The following BEGAIN variants were observed in gnomAD, a reference collection of about 807,000 sequenced individuals.
BEGAIN encodes brain-enriched guanylate kinase-associated protein.
BEGAIN carries 19 observed loss-of-function variants against 35.8 expected under a neutral mutation model. The ratio of observed to expected loss-of-function variants is 0.53; its 90% CI spans 0.37 to 0.78. BEGAIN has a LOEUF of 0.78. Among genes scored for constraint, BEGAIN ranks in the 30% least tolerant of loss-of-function variants. The pLI is 0.00. For missense variants in BEGAIN, 795 were observed against 853.6 expected (o/e 0.93, Z 0.85); for synonymous variants, 462 against 388.6 (o/e 1.19, Z -2.22).
At chr14:100,584,579 A>ATCAT (rs968465411) in intron 1 of BEGAIN, among the ~76,000 whole-genome samples, 17 of 152,184 alleles carry the variant, frequency 1.1e-4, no homozygotes, top group African/African-American at 2.4e-4. Context: ...TTAGTCATTC[A>ATCAT]TCATTCATTC....
intron 2 of BEGAIN, among the ~76,000 whole-genome samples, chr14:100,565,194 G>A (rs970708723): frequency 1.3e-5 from 2 of 152,312 alleles, no homozygotes; most frequent in Middle Eastern, 3.4e-3. Flanking sequence ...TGGGAGGGAG[G>A]GGCAAGAGCG....
chr14:100,576,838 C>A (rs765132487), intron 1 of BEGAIN, among the ~76,000 whole-genome samples: 2 of 152,210 alleles, frequency 1.3e-5, no homozygotes, highest in African/African-American at 4.8e-5. Flanking sequence ...CATGTGTGGA[C>A]GGGGTACGAG....
At chr14:100,559,615 G>C (rs1463387496) in intron 2 of BEGAIN, among the ~76,000 whole-genome samples, 1 of 152,260 alleles carries the variant, frequency 6.6e-6, no homozygotes, top group East Asian at 1.9e-4. Context: ...ACTGCAAACA[G>C]ATGTGGGCAA....
chr14:100,555,162 G>A (rs2033588369), intron 2 of BEGAIN, among the ~76,000 whole-genome samples: 1 of 152,264 alleles, frequency 6.6e-6, no homozygotes, highest in Non-Finnish European at 1.5e-5. Context: ...CCAGGGCCGA[G>A]TCCTCGCAGA....
At chr14:100,559,199 C>T (rs917044267) in intron 2 of BEGAIN, among the ~76,000 whole-genome samples, 18 of 152,020 alleles carry the variant, frequency 1.2e-4, no homozygotes, top group South Asian at 2.1e-4. Flanking sequence ...AGGGGAGCTG[C>T]GCGGTGGGCC....
In BEGAIN at chr14:100,572,375, C is replaced by G. The variant is rs1018356557; in HGVS notation, c.43-4436G>C. On this transcript the variant is annotated intron_variant, in intron 1 of 6. Coordinates refer to ENST00000554140, the MANE Select transcript of BEGAIN (RefSeq NM_001385089.1). Reference sequence around the variant, plus strand: ...AGAGTGAGCCCACCTCTGCAGGGGGCCTGCCAGGTGAGGAGTGCCATGCCA... The same window carrying G: ...AGAGTGAGCCCACCTCTGCAGGGGGGCTGCCAGGTGAGGAGTGCCATGCCA... 6.6e-5 allele frequency among the ~76,000 whole-genome samples: 10 copies of G among 152,178 alleles called. 1 individual carries two copies. Among genetic ancestry groups the G allele is most frequent in the Admixed American group, 1.3e-4 (2 of 15,282 alleles).
At position 100,568,004 on chromosome 14, in the gene BEGAIN, G is replaced by A. The variant is rs1178071915; in HGVS notation, c.43-65C>T. On this transcript the variant is annotated intron_variant, in intron 1 of 6. Coordinates refer to ENST00000554140, the MANE Select transcript of BEGAIN (RefSeq NM_001385089.1). The surrounding 1 kb of genome is among the most constrained non-coding windows in gnomAD (Gnocchi z 7.5). The stretch of plus-strand genomic sequence containing the variant: ...GTGCGCTCCGCGGCCGCGCCGGGCA[G>A]AGCCGGGCACAGCGGGCACGGCCGG... 2.4e-5 allele frequency: 32 copies of A among 1,357,714 alleles called. No individual in the cohort carries two copies. Among genetic ancestry groups the A allele is most frequent in the Admixed American group, 8.3e-5 (3 of 36,278 alleles). 84.1% of individuals were successfully genotyped at this position (1,357,714 alleles called of 1,614,324 possible).
At position 100,546,772 on chromosome 14, in the gene BEGAIN, GCGCGCGCGCACACACACACACA is replaced by G. The variant is rs2032538706; in HGVS notation, c.72-132_72-111del. Reference sequence around the variant, plus strand: ...CTAACACGCGAGTACCGGCGCGCGCGCGCGCGCGCACACACACACACACACACACACACACACACACTCACAC... The same window carrying G: ...CTAACACGCGAGTACCGGCGCGCGCGCACACACACACACACACACTCACAC... On this transcript the variant is annotated intron_variant, in intron 2 of 6. Coordinates refer to ENST00000554140, the MANE Select transcript of BEGAIN (RefSeq NM_001385089.1). 6.3e-6 allele frequency: 5 copies of G among 791,804 alleles called. No individual in the cohort carries two copies. The East Asian group carries it at 1.9e-4, about 30-fold the overall frequency. The allele number at this position is 791,804 out of a possible 1,614,324, so 49.0% of individuals were successfully genotyped here. A position where few individuals can be genotyped will look rare whatever the true frequency, so the allele number is the denominator to read the frequency against.
rs1479945143 is a variant in BEGAIN at position 100,539,262 on chromosome 14, G to A, written c.546C>T (p.Cys182=). The change falls in exon 7 of 7, where the codon TGC becomes TGT. Residue 182 remains cysteine, a synonymous_variant. Coordinates refer to ENST00000554140, the MANE Select transcript of BEGAIN (RefSeq NM_001385089.1). ...GGTGGCAGAGCGGGGATGGCAGGCT[G>A]CAGCCGTGCTTCTCCATGTGCAGGC... ...RVSLHMEKHG[C]SLPSPLCHPA... 1 of 1,586,318 alleles carries A rather than the reference G, an allele frequency of 6.3e-7. No homozygotes were observed. The highest frequency in any genetic ancestry group is 8.6e-7 in the Non-Finnish European group (1 of 1,166,786).
In BEGAIN at chr14:100,580,408, T is replaced by C. The variant is rs372841347; in HGVS notation, c.42+6841A>G. Reference sequence around the variant, plus strand: ...TGCAAGGCCCTGACAATTGCTGGTGTCTTCTCTCTCTCTCTGCTACCCTCC... The same window carrying C: ...TGCAAGGCCCTGACAATTGCTGGTGCCTTCTCTCTCTCTCTGCTACCCTCC... On this transcript the variant is annotated intron_variant, in intron 1 of 6. Coordinates refer to ENST00000554140, the MANE Select transcript of BEGAIN (RefSeq NM_001385089.1). Among the ~76,000 whole-genome samples, 8 of 152,124 alleles carry C rather than the reference T, an allele frequency of 5.3e-5. No homozygotes were observed. In the East Asian group the frequency reaches 1.5e-3, roughly 29 times the overall value.
chr14:100,577,910 T>C (rs2035236987), intron 1 of BEGAIN: 1 of 399,062 alleles, frequency 2.5e-6, no homozygotes, highest in Non-Finnish European at 4.4e-6. Context: ...CTGGGACAGG[T>C]AGGGTTAGAG....
At position 100,568,249 on chromosome 14, in the gene BEGAIN, C is replaced by T; in HGVS notation, c.43-310G>A. 1.6e-6 allele frequency: 1 copy of T among 629,980 alleles called. No individual in the cohort carries two copies. 39.0% of individuals were successfully genotyped at this position (629,980 alleles called of 1,614,324 possible). On this transcript the variant is annotated intron_variant, in intron 1 of 6. Coordinates refer to ENST00000554140, the MANE Select transcript of BEGAIN (RefSeq NM_001385089.1). The surrounding 1 kb of genome is among the most constrained non-coding windows in gnomAD (Gnocchi z 7.5). ...GGCCAGGGGCGATCTCGGCCTCGCC[C>T]GGAGGAGGGGGACTCGGCCTGTCCC...
chr14:100,574,826 C>T (rs1325394164), intron 1 of BEGAIN, among the ~76,000 whole-genome samples: 1 of 152,182 alleles, frequency 6.6e-6, no homozygotes, highest in African/African-American at 2.4e-5. Context: ...CAGACAGGAT[C>T]CAACTGCAGC....
chr14:100,537,919 G>T lies in BEGAIN; in HGVS notation c.*50C>A, dbSNP rs2030805503. 6.4e-7 allele frequency: 1 copy of T among 1,552,896 alleles called. No homozygotes were observed. The highest frequency in any genetic ancestry group is 8.7e-7 in the Non-Finnish European group (1 of 1,150,844). On this transcript the variant is annotated 3_prime_UTR_variant, in exon 7 of 7. Transcript: ENST00000554140. ...GAGAGGTGAGGCCGGCCCTTCTGGG[G>T]CACGTGGGCTGGCGGGGAGCGAACC... is the stretch of plus-strand genomic sequence containing the variant.
intron 1 of BEGAIN, among the ~76,000 whole-genome samples, chr14:100,583,178 C>T (rs1269364108): frequency 1.3e-5 from 2 of 151,982 alleles, no homozygotes; most frequent in Admixed American, 6.6e-5. Context: ...GTCCATTCCT[C>T]TGTTACTTGT....
At chr14:100,551,992 T>C (rs1419849664) in intron 2 of BEGAIN, among the ~76,000 whole-genome samples, 4 of 152,138 alleles carry the variant, frequency 2.6e-5, no homozygotes, top group Admixed American at 6.5e-5. Context: ...CAGGATGGGA[T>C]GAGTGCGTTC....
Position 100,586,794 on chromosome 14 carries a change from G to A in BEGAIN, c.42+455C>T, listed in dbSNP as rs1295260377. On this transcript the variant is annotated intron_variant, in intron 1 of 6. Coordinates refer to ENST00000554140, the MANE Select transcript of BEGAIN (RefSeq NM_001385089.1). The surrounding 1 kb of genome is among the most constrained non-coding windows in gnomAD (Gnocchi z 4.9). ...CGGCCCCGGGTCCAGCCTCCTTCCGGCTCCCGGGCCTTTCTCCGGCCTCCC... is the reference window on the plus strand; with the variant it reads ...CGGCCCCGGGTCCAGCCTCCTTCCGACTCCCGGGCCTTTCTCCGGCCTCCC... Among the ~76,000 whole-genome samples the A allele has an allele frequency of 6.6e-6, 1 of 152,196 alleles. No homozygotes were observed. Among genetic ancestry groups the A allele is most frequent in the Non-Finnish European group, 1.5e-5 (1 of 68,028 alleles).
At chr14:100,555,719 G>A (rs952428548) in intron 2 of BEGAIN, among the ~76,000 whole-genome samples, 29 of 152,180 alleles carry the variant, frequency 1.9e-4, no homozygotes, top group African/African-American at 6.0e-4. Context: ...CCCGCACAGC[G>A]AGACAACTAT....
At position 100,568,831 on chromosome 14, in the gene BEGAIN, CGTCTTTCTGTG is replaced by C; in HGVS notation, c.43-903_43-893del. The C allele has an allele frequency of 1.0e-6, 1 of 982,300 alleles. No homozygotes were observed. The highest frequency in any genetic ancestry group is 1.7e-5 in the African/African-American group (1 of 57,210). 60.8% of individuals were successfully genotyped at this position (982,300 alleles called of 1,614,324 possible). On this transcript the variant is annotated intron_variant, in intron 1 of 6. Coordinates refer to ENST00000554140, the MANE Select transcript of BEGAIN (RefSeq NM_001385089.1). This position sits in a 1 kb window ranked among gnomAD's most constrained non-coding sequence, Gnocchi z 7.5. ...AGAGGCCGCTCCCCGGGGCTTTGCC[CGTCTTTCTGTG>C]CCGTGACTGGCACTCAAGGGGGACA... is the stretch of plus-strand genomic sequence containing the variant.
Sources: allele counts gnomAD v4.1 joint callset (sites outside exome capture counted in the v4.1 genomes callset), GRCh38; gene constraint gnomAD v4.1.1; non-coding constraint Gnocchi (gnomAD v3.1); transcripts MANE v1.5; gene names NCBI Gene and HGNC (gene_info 2026-07-23, HGNC 2026-07-21).